The following VPS13A variants were observed in gnomAD, a reference collection of about 807,000 sequenced individuals.
VPS13A encodes intermembrane lipid transfer protein VPS13A.
A neutral mutation model predicts 390.9 loss-of-function variants in VPS13A; 264 were observed. That is an observed-to-expected ratio of 0.68 (90% CI 0.61 to 0.75). The LOEUF is 0.75. VPS13A is among the 30% of genes least tolerant of loss of function. The pLI is 0.00. For synonymous variants in VPS13A, 1,231 were observed against 1,227.1 expected, an observed-to-expected ratio of 1.00 and a Z score of -0.07; for missense variants, 3,409 against 3,733.9, an observed-to-expected ratio of 0.91 and a Z score of 2.27.
intron 27 of VPS13A, 104 bp from the exon 28 acceptor site, chr9:77,281,763 A>G (rs905844604): frequency 1.5e-6 from 1 of 667,764 alleles, no homozygotes; most frequent in Admixed American, 2.3e-5. Context: ...ATATATGTAT[A>G]TGAACAGCTG....
At chr9:77,390,179 A>T in intron 68 of VPS13A, 1 of 907,140 alleles carries the variant, frequency 1.1e-6, no homozygotes, top group Non-Finnish European at 1.3e-6. Context: ...AGGCTATTGG[A>T]CTTCACTCTT....
chr9:77,220,110 G>A (rs201145422), intron 11 of VPS13A, 29 bp downstream of exon 11: 6 of 1,583,518 alleles, frequency 3.8e-6, no homozygotes, highest in Admixed American at 1.7e-5. Context: ...ATTTTCAATT[G>A]TGAATTATTG....
At chr9:77,273,751 CAGAT>C (rs1027788821) in intron 24 of VPS13A, among the ~76,000 whole-genome samples, 3 of 152,038 alleles carry the variant, frequency 2.0e-5, no homozygotes, top group African/African-American at 7.2e-5. Context: ...GTTTGTTACG[CAGAT>C]ATGTCAGTGT....
chr9:77,272,749 T>C (rs1826423866), intron 23 of VPS13A, among the ~76,000 whole-genome samples: 1 of 152,140 alleles, frequency 6.6e-6, no homozygotes, highest in Non-Finnish European at 1.5e-5. Context: ...CATAAGAAGA[T>C]GCTTCTAGGT....
intron 1 of VPS13A, among the ~76,000 whole-genome samples, chr9:77,192,374 C>G (rs1824737465): frequency 6.6e-6 from 1 of 152,032 alleles, no homozygotes; most frequent in Non-Finnish European, 1.5e-5. Context: ...CTGATTTCAT[C>G]CTGTTATCGT....
Position 77,205,385 on chromosome 9 carries a change from A to C in VPS13A, c.260A>C (p.Tyr87Ser). The change falls in exon 4 of 72, where the codon TAT becomes TCT. Residue 87 changes from tyrosine (Y) to serine (S), a missense_variant. Coordinates refer to ENST00000360280, the MANE Select transcript of VPS13A (RefSeq NM_033305.3). The stretch of plus-strand genomic sequence containing the variant: ...GTTGAAGCCGTATTGGAAGAAATTT[A>C]TTTACTTATAGTGCCTTCTTCTAGT... ...QPVEAVLEEI[Y>S]LLIVPSSRIK... 1 of 1,471,336 alleles carries C rather than the reference A, an allele frequency of 6.8e-7. No individual in the cohort carries two copies. The highest frequency in any genetic ancestry group is 9.1e-7 in the Non-Finnish European group (1 of 1,100,658). The allele number at this position is 1,471,336 out of a possible 1,614,324, so 91.1% of individuals were successfully genotyped here.
Position 77,210,598 on chromosome 9 carries a change from A to G in VPS13A, c.496-18A>G. On this transcript the variant is annotated intron_variant, in intron 6 of 71. Transcript: ENST00000360280. Reference sequence around the variant, plus strand: ...ACTACTAAAAATCTGAATAAATTTTACTTTCTTTCCTCTTTAGATCACAAA... The same window carrying G: ...ACTACTAAAAATCTGAATAAATTTTGCTTTCTTTCCTCTTTAGATCACAAA... The G allele has an allele frequency of 6.2e-7, 1 of 1,612,072 alleles. No individual in the cohort carries two copies. The highest frequency in any genetic ancestry group is 8.5e-7 in the Non-Finnish European group (1 of 1,178,774).
chr9:77,409,353 A>G (rs1189897981), intron 71 of VPS13A, among the ~76,000 whole-genome samples: 1 of 152,206 alleles, frequency 6.6e-6, no homozygotes, highest in Non-Finnish European at 1.5e-5. Context: ...TGGGGAAAAA[A>G]CAGAGCAGAA....
chr9:77,351,738 G>A (rs951831592), intron 53 of VPS13A, among the ~76,000 whole-genome samples: 3 of 152,068 alleles, frequency 2.0e-5, no homozygotes, highest in Admixed American at 1.3e-4. Flanking sequence ...GCATGGTGGC[G>A]GGTGCCTGTA....
chr9:77,206,329 T>TATATATATA (rs776724808), intron 5 of VPS13A, among the ~76,000 whole-genome samples: 160 of 146,584 alleles, frequency 1.1e-3, no homozygotes, highest in East Asian at 3.0e-3. Flanking sequence ...TACATATTTT[T>TATATATATA]TATATATATA....
At chr9:77,254,101 G>A (rs991547749) in intron 22 of VPS13A, among the ~76,000 whole-genome samples, 7 of 151,474 alleles carry the variant, frequency 4.6e-5, no homozygotes, top group African/African-American at 1.7e-4. Context: ...CCGCCACCAC[G>A]CCTGGCTAAT....
chr9:77,411,038 G>A (rs1306216559), intron 71 of VPS13A, among the ~76,000 whole-genome samples: 1 of 152,194 alleles, frequency 6.6e-6, no homozygotes, highest in Non-Finnish European at 1.5e-5. Flanking sequence ...TTAGTTGGAA[G>A]TAAAGCACTC....
At chr9:77,396,577 C>T (rs1433423727) in intron 68 of VPS13A, among the ~76,000 whole-genome samples, 5 of 152,040 alleles carry the variant, frequency 3.3e-5, no homozygotes, top group African/African-American at 1.2e-4. Flanking sequence ...TAAATTTCTA[C>T]TATATTTGAT....
intron 26 of VPS13A, among the ~76,000 whole-genome samples, chr9:77,277,690 T>G (rs1826767365): frequency 6.6e-6 from 1 of 152,120 alleles, no homozygotes; most frequent in Non-Finnish European, 1.5e-5. Flanking sequence ...CAGATTGGCT[T>G]CTTTCACTTA....
At chr9:77,372,620 G>A (rs965072981) in intron 67 of VPS13A, among the ~76,000 whole-genome samples, 14 of 151,970 alleles carry the variant, frequency 9.2e-5, no homozygotes, top group African/African-American at 1.7e-4. Flanking sequence ...ACATAGTGTC[G>A]GAAGTTCTGG....
chr9:77,378,468 T>A (rs1017953917), intron 67 of VPS13A, among the ~76,000 whole-genome samples: 1 of 152,106 alleles, frequency 6.6e-6, no homozygotes, highest in African/African-American at 2.4e-5. Context: ...TATTCTCATA[T>A]AATTATTTTT....
chr9:77,317,947 T>C (rs1340882480), intron 40 of VPS13A, among the ~76,000 whole-genome samples: 1 of 151,866 alleles, frequency 6.6e-6, no homozygotes, highest in Non-Finnish European at 1.5e-5. Flanking sequence ...TTGAAATTAC[T>C]TTATACTTCA....
chr9:77,357,674 G>A lies in VPS13A; in HGVS notation c.7807-18G>A, dbSNP rs377305729. Reference sequence around the variant, plus strand: ...ATAGATAAATTAATTTTTTCATTTGGGGGGACATATTTTTCAGGTTCGCCT... The same window carrying A: ...ATAGATAAATTAATTTTTTCATTTGAGGGGACATATTTTTCAGGTTCGCCT... On this transcript the variant is annotated intron_variant, in intron 55 of 71. Coordinates refer to ENST00000360280, the MANE Select transcript of VPS13A (RefSeq NM_033305.3). The A allele has an allele frequency of 6.2e-7, 1 of 1,611,314 alleles. No individual in the cohort carries two copies. Among genetic ancestry groups the A allele is most frequent in the Non-Finnish European group, 8.5e-7 (1 of 1,178,732 alleles).
chr9:77,357,183 G>T (rs574206238), intron 55 of VPS13A, among the ~76,000 whole-genome samples: 1 of 151,420 alleles, frequency 6.6e-6, no homozygotes, highest in East Asian at 1.9e-4. Flanking sequence ...GCCAGGCATG[G>T]TGGCAGGCGC....
Sources: allele counts gnomAD v4.1 joint callset (sites outside exome capture counted in the v4.1 genomes callset), GRCh38; gene constraint gnomAD v4.1.1; transcripts MANE v1.5; gene names NCBI Gene and HGNC (gene_info 2026-07-23, HGNC 2026-07-21).